UNC5D: variants seen among roughly 807,000 people sequenced by gnomAD.
The protein encoded by UNC5D is unc-5 netrin receptor D.
In UNC5D, 39 loss-of-function variants were observed where a neutral mutation model predicts 105.4. The observed-to-expected ratio is 0.37, with a 90% CI of 0.29 to 0.48. The LOEUF is 0.48. UNC5D is among the 20% of genes least tolerant of loss of function. The pLI, the probability that UNC5D is intolerant of heterozygous loss-of-function variation, is 0.98. For synonymous variants in UNC5D, 452 were observed against 450.4 expected (o/e 1.00, Z -0.04); for missense variants, 991 against 1,202.4 (o/e 0.82, Z 2.60).
rs989616844 is a variant in UNC5D, at chr8:35,235,838, C to T, written c.54C>T (p.Leu18=). ...GCGGCGGAGGGGCGCGCCGCTGGCTCCCGTGGCTGGGGCTGTGCTTCTGGG... is the reference window on the plus strand; with the variant it reads ...GCGGCGGAGGGGCGCGCCGCTGGCTTCCGTGGCTGGGGCTGTGCTTCTGGG... ...AGGGGGARRW[L]PWLGLCFWAA... Residue 18 remains leucine, a synonymous_variant, in exon 1 of 17, where the codon CTC becomes CTT. Coordinates refer to ENST00000404895, the MANE Select transcript of UNC5D (RefSeq NM_080872.4). 14 of 1,230,358 alleles carry T rather than the reference C, an allele frequency of 1.1e-5. No homozygotes were observed. The highest frequency in any genetic ancestry group is 4.2e-5 in the Admixed American group (1 of 23,608). 76.2% of individuals were successfully genotyped at this position (1,230,358 alleles called of 1,614,324 possible). A position where few individuals can be genotyped will look rare whatever the true frequency, so the allele number is the denominator to read the frequency against.
intron 1 of UNC5D, among the ~76,000 whole-genome samples, chr8:35,432,914 T>C (rs1363961904): frequency 6.6e-6 from 1 of 152,166 alleles, no homozygotes; most frequent in Non-Finnish European, 1.5e-5. Flanking sequence ...TTTCATTCTG[T>C]TACACAGGTA....
chr8:35,461,708 G>A (rs1207752863), intron 1 of UNC5D, among the ~76,000 whole-genome samples: 1 of 152,148 alleles, frequency 6.6e-6, no homozygotes, highest in East Asian at 1.9e-4. Flanking sequence ...ACCCCAGTGA[G>A]CCACTGCTGG....
chr8:35,724,294 T>G (rs1339946643), intron 9 of UNC5D: 1 of 1,534,854 alleles, frequency 6.5e-7, no homozygotes, highest in Non-Finnish European at 8.7e-7. Context: ...AATCCTTTGG[T>G]AAATGCCACT....
chr8:35,779,206 G>A (rs969152861), intron 16 of UNC5D, among the ~76,000 whole-genome samples: 12 of 152,258 alleles, frequency 7.9e-5, no homozygotes, highest in South Asian at 2.1e-4. Flanking sequence ...GCGAAATAAC[G>A]AATTGGTCAT....
intron 1 of UNC5D, among the ~76,000 whole-genome samples, chr8:35,333,369 C>G (rs1328266891): frequency 6.6e-6 from 1 of 152,066 alleles, no homozygotes; most frequent in East Asian, 1.9e-4. Flanking sequence ...CCCTTTAAAT[C>G]CCTTAATTAG....
At chr8:35,328,905 T>A (rs1810386090) in intron 1 of UNC5D, among the ~76,000 whole-genome samples, 1 of 152,154 alleles carries the variant, frequency 6.6e-6, no homozygotes, top group South Asian at 2.1e-4. Flanking sequence ...TCATTACTCT[T>A]GTGATGTGTC....
At chr8:35,496,393 T>G (rs1811599303) in intron 1 of UNC5D, among the ~76,000 whole-genome samples, 1 of 152,132 alleles carries the variant, frequency 6.6e-6, no homozygotes, top group Admixed American at 6.5e-5. Flanking sequence ...AGAGAACAGT[T>G]TGTTGTGGGT....
intron 16 of UNC5D, among the ~76,000 whole-genome samples, chr8:35,788,832 C>A (rs1446708865): frequency 1.3e-5 from 2 of 151,822 alleles, no homozygotes; most frequent in Admixed American, 1.3e-4. Context: ...AACCATTGGA[C>A]ACAGCCAAAC....
At chr8:35,319,431 T>C (rs893742245) in intron 1 of UNC5D, among the ~76,000 whole-genome samples, 2 of 152,146 alleles carry the variant, frequency 1.3e-5, no homozygotes, top group Non-Finnish European at 2.9e-5. Context: ...ATCCTTGATC[T>C]GATGTGCATT....
intron 4 of UNC5D, among the ~76,000 whole-genome samples, chr8:35,597,431 G>A (rs1195075894): frequency 2.0e-5 from 3 of 152,128 alleles, no homozygotes; most frequent in Admixed American, 6.5e-5. Flanking sequence ...TTAGGACATC[G>A]CATGTGTTCC....
At chr8:35,475,565 T>G (rs1810028879) in intron 1 of UNC5D, among the ~76,000 whole-genome samples, 1 of 152,212 alleles carries the variant, frequency 6.6e-6, no homozygotes, top group Non-Finnish European at 1.5e-5. Flanking sequence ...TAGCTGTTTT[T>G]GCCAGTACTG....
At chr8:35,705,499 A>G (rs1346033140) in intron 7 of UNC5D, among the ~76,000 whole-genome samples, 1 of 152,228 alleles carries the variant, frequency 6.6e-6, no homozygotes, top group Non-Finnish European at 1.5e-5. Context: ...GTCTGTGATC[A>G]CTGCAAACCA....
At chr8:35,517,840 G>C (rs1813200439) in intron 1 of UNC5D, among the ~76,000 whole-genome samples, 1 of 152,126 alleles carries the variant, frequency 6.6e-6, no homozygotes, top group Admixed American at 6.5e-5. Context: ...AGTGCTAGCA[G>C]TTTCAGTGTC....
At chr8:35,255,167 C>T (rs1319062359) in intron 1 of UNC5D, 9 of 152,192 alleles carry the variant, frequency 5.9e-5, no homozygotes, top group Admixed American at 1.3e-4. Context: ...AAGTGCTAAA[C>T]TAACACTCTA....
At position 35,311,179 on chromosome 8, in the gene UNC5D, G is replaced by A. The variant is rs1313142876; in HGVS notation, c.103+75292G>A. The stretch of plus-strand genomic sequence containing the variant: ...AAAGGACACATGGCATAAGAGTTGC[G>A]TATTTGAGTGTCTACAAAACAAACA... On this transcript the variant is annotated intron_variant, in intron 1 of 16. Transcript: ENST00000404895. Among the ~76,000 whole-genome samples the A allele has an allele frequency of 5.9e-5, 9 of 152,262 alleles. No individual in the cohort carries two copies. The South Asian group carries it at 6.2e-4, about 11-fold the overall frequency.
chr8:35,659,023 G>A (rs1165970559), intron 4 of UNC5D, among the ~76,000 whole-genome samples: 1 of 152,176 alleles, frequency 6.6e-6, no homozygotes, highest in African/African-American at 2.4e-5. Context: ...CCATGTGGCA[G>A]TGGAAGTTGG....
intron 1 of UNC5D, among the ~76,000 whole-genome samples, chr8:35,450,355 A>G (rs978377640): frequency 6.6e-6 from 1 of 152,202 alleles, no homozygotes. Context: ...TCAAAAAGAT[A>G]GACCACTGTA....
intron 4 of UNC5D, among the ~76,000 whole-genome samples, chr8:35,678,288 A>G (rs899506005): frequency 6.6e-6 from 1 of 152,152 alleles, no homozygotes; most frequent in African/African-American, 2.4e-5. Flanking sequence ...TGCAGTTGAG[A>G]TACCTCACTT....
intron 1 of UNC5D, among the ~76,000 whole-genome samples, chr8:35,475,499 C>T (rs906724700): frequency 1.3e-5 from 2 of 152,184 alleles, no homozygotes; most frequent in African/African-American, 4.8e-5. Context: ...CTACAGTCCT[C>T]AGGCTTATCT....
Sources: allele counts gnomAD v4.1 joint callset (sites outside exome capture counted in the v4.1 genomes callset), GRCh38; gene constraint gnomAD v4.1.1; transcripts MANE v1.5; gene names NCBI Gene and HGNC (gene_info 2026-07-23, HGNC 2026-07-21).